Variants in PRELID2 observed in about 807,000 individuals in gnomAD.
The protein encoded by PRELID2 is PRELI domain-containing protein 2.
PRELID2 carries 25 observed loss-of-function variants against 28.4 expected under a neutral mutation model. The ratio of observed to expected loss-of-function variants is 0.88; its 90% CI spans 0.64 to 1.23. The LOEUF is 1.23. PRELID2 is among the 50% of genes most tolerant of loss of function. The probability of loss-of-function intolerance (pLI) is 0.00; values close to 1 mark genes in which losing one functional copy is unlikely to be tolerated. For missense variants in PRELID2, 201 were observed against 214.4 expected (o/e 0.94, Z 0.39); for synonymous variants, 76 against 71.6 (o/e 1.06, Z -0.31).
chr5:145,423,989 C>A, the PRELID2 span, among the ~76,000 whole-genome samples: 1 of 151,434 alleles, frequency 6.6e-6, no homozygotes, highest in Non-Finnish European at 1.5e-5. Context: ...GTTGGAGTAC[C>A]CTGCCGTGTG....
At chr5:145,413,358 G>A in the PRELID2 span, among the ~76,000 whole-genome samples, 1 of 145,760 alleles carries the variant, frequency 6.9e-6, no homozygotes, top group Admixed American at 6.9e-5. Flanking sequence ...AATGTGAAAA[G>A]GGAACACTTT....
the PRELID2 span, among the ~76,000 whole-genome samples, chr5:145,355,982 A>G: frequency 1.3e-4 from 20 of 152,154 alleles, no homozygotes; most frequent in African/African-American, 4.6e-4. Context: ...CAATCTTTAA[A>G]TTGAAAAGAG....
chr5:145,740,602 TA>T (rs371919108), intron 1 of PRELID2, among the ~76,000 whole-genome samples: 87,791 of 108,350 alleles, frequency 0.81, 35,758 homozygotes, highest in East Asian at 0.88. Context: ...AATATATATA[TA>T]TTATATATAT....
chr5:145,735,244 CA>C (rs112613176), intron 1 of PRELID2, among the ~76,000 whole-genome samples: 25,570 of 88,284 alleles, frequency 0.29, 2,518 homozygotes, highest in African/African-American at 0.4. Context: ...GTCTCCATCT[CA>C]AAAAAAAAAA....
At chr5:145,806,427 A>G (rs1046761427) in intron 4 of PRELID2, among the ~76,000 whole-genome samples, 1 of 152,200 alleles carries the variant, frequency 6.6e-6, no homozygotes, top group Non-Finnish European at 1.5e-5. Flanking sequence ...ATCCCACTGG[A>G]AAGTCTTCAG....
chr5:145,302,295 G>A, the PRELID2 span, among the ~76,000 whole-genome samples: 3 of 151,608 alleles, frequency 2.0e-5, no homozygotes, highest in South Asian at 2.1e-4. Context: ...GCACCACCAC[G>A]CCTGGCTAAT....
chr5:145,385,785 C>T, the PRELID2 span, among the ~76,000 whole-genome samples: 1 of 152,114 alleles, frequency 6.6e-6, no homozygotes, highest in East Asian at 1.9e-4. Context: ...ACATTGCATC[C>T]TTCAAGGCCC....
chr5:145,284,983 G>T, the PRELID2 span, among the ~76,000 whole-genome samples: 2 of 152,116 alleles, frequency 1.3e-5, no homozygotes, highest in Non-Finnish European at 1.5e-5. Context: ...ACTGTGACAT[G>T]CATTTCACTT....
intron 1 of PRELID2, among the ~76,000 whole-genome samples, chr5:145,684,808 T>A (rs1755004082): frequency 6.6e-6 from 1 of 152,090 alleles, no homozygotes; most frequent in Non-Finnish European, 1.5e-5. Context: ...GGAGTACAGA[T>A]TGTAGTCATG....
the PRELID2 span, among the ~76,000 whole-genome samples, chr5:145,240,285 T>G: frequency 6.6e-6 from 1 of 151,968 alleles, no homozygotes; most frequent in South Asian, 2.1e-4. Flanking sequence ...ATAGAAGTAT[T>G]AGAAAATAAA....
At chr5:145,739,780 A>G (rs1329998241) in intron 1 of PRELID2, among the ~76,000 whole-genome samples, 2 of 152,036 alleles carry the variant, frequency 1.3e-5, no homozygotes, top group Non-Finnish European at 2.9e-5. Flanking sequence ...TAGGCTGTTT[A>G]AAGTTATGTA....
chr5:145,779,471 A>C (rs1758643345), intron 5 of PRELID2, among the ~76,000 whole-genome samples: 1 of 152,056 alleles, frequency 6.6e-6, no homozygotes, highest in Non-Finnish European at 1.5e-5. Flanking sequence ...ATTTAATGAA[A>C]TATTATATAA....
intron 1 of PRELID2, among the ~76,000 whole-genome samples, chr5:145,740,663 A>T (rs1382413880): frequency 1.1e-5 from 1 of 94,908 alleles, no homozygotes; most frequent in East Asian, 3.0e-4. Flanking sequence ...TATATAAATA[A>T]AATAAATATA....
At chr5:145,343,630 A>G in the PRELID2 span, among the ~76,000 whole-genome samples, 8 of 152,034 alleles carry the variant, frequency 5.3e-5, no homozygotes, top group East Asian at 9.6e-4. Context: ...AGATCAAACC[A>G]TACCCAAAAT....
intron 1 of PRELID2, among the ~76,000 whole-genome samples, chr5:145,512,449 T>C (rs2126641977): frequency 6.6e-6 from 1 of 152,322 alleles, no homozygotes; most frequent in South Asian, 2.1e-4. Context: ...CTCTAGATTC[T>C]TCCTCTCTGG....
chr5:145,509,816 A>G (rs1000166117), intron 1 of PRELID2, among the ~76,000 whole-genome samples: 1 of 152,220 alleles, frequency 6.6e-6, no homozygotes, highest in African/African-American at 2.4e-5. Flanking sequence ...GCCCAAAGTT[A>G]GTTAACAAAT....
chr5:145,680,072 A>AT (rs1178567468), intron 1 of PRELID2, among the ~76,000 whole-genome samples: 1 of 152,126 alleles, frequency 6.6e-6, no homozygotes, highest in African/African-American at 2.4e-5. Context: ...ATTGGTTTAA[A>AT]TTTTAGTGCC....
chr5:145,821,152 G>GGTGGGTGTGTGTGTGTGTGTGTGTGT (rs1554100260), intron 2 of PRELID2, among the ~76,000 whole-genome samples: 19 of 88,262 alleles, frequency 2.2e-4, no homozygotes, highest in African/African-American at 6.8e-4. Flanking sequence ...AACTCTCCTG[G>GGTGGGTGTGTGTGTGTGTGTGTGTGT]GTGTGTGTGT....
In PRELID2 at chr5:145,609,371, G is replaced by T. The variant is rs567446622; in HGVS notation, n.71-136056C>A. 3.3e-5 allele frequency among the ~76,000 whole-genome samples: 5 copies of T among 152,316 alleles called. No homozygotes were observed. The South Asian group carries it at 8.3e-4, about 25-fold the overall frequency. Reference sequence around the variant, plus strand: ...TTGAGTTGCCTAAGTTCCCGTGCTGGTTCTTTCTCCTCTAGTCGCTCCTGG... The same window carrying T: ...TTGAGTTGCCTAAGTTCCCGTGCTGTTTCTTTCTCCTCTAGTCGCTCCTGG... On this transcript the variant is annotated intron_variant and non_coding_transcript_variant, in intron 1 of 2. Transcript: ENST00000510259.
Sources: allele counts gnomAD v4.1 joint callset (sites outside exome capture counted in the v4.1 genomes callset), GRCh38; gene constraint gnomAD v4.1.1; transcripts MANE v1.5; gene names NCBI Gene and HGNC (gene_info 2026-07-23, HGNC 2026-07-21).